Variants in DERL1 observed in about 807,000 individuals in gnomAD.
DERL1 encodes the protein derlin 1, also known as derlin-1.
A neutral mutation model predicts 41.6 loss-of-function variants in DERL1; 24 were observed. The ratio of observed to expected loss-of-function variants is 0.58; its 90% CI spans 0.42 to 0.81. DERL1 has a LOEUF of 0.81. Ranked by LOEUF, DERL1 falls within the 30% of genes least tolerant of loss-of-function variation. The probability of loss-of-function intolerance (pLI) is 0.00; values close to 1 mark genes in which losing one functional copy is unlikely to be tolerated. For synonymous variants in DERL1, 124 were observed against 112.5 expected, an observed-to-expected ratio of 1.10 and a Z score of -0.65; for missense variants, 260 against 314.3, an observed-to-expected ratio of 0.83 and a Z score of 1.31.
Position 123,021,457 on chromosome 8 carries a change from T to C in DERL1, c.496A>G (p.Ile166Val), listed in dbSNP as rs1357852801. The change falls in exon 6 of 8, where the codon ATC becomes GTC. Residue 166 changes from isoleucine (I) to valine (V), a missense_variant. Coordinates refer to ENST00000259512, the MANE Select transcript of DERL1 (RefSeq NM_024295.6). ...PWVILGFNYIIGGSVINELIG... is the reference protein window; with the variant it reads ...PWVILGFNYIVGGSVINELIG... ...TCTAATATCACTTACGAGCCTCCGA[T>C]GATATAGTTGAATCCAAGGATAACC... The C allele has an allele frequency of 2.5e-6, 4 of 1,613,764 alleles. No individual in the cohort carries two copies. The highest frequency in any genetic ancestry group is 1.7e-5 in the Admixed American group (1 of 60,014).
chr8:123,041,934 C>T (rs753975412), intron 1 of DERL1, 36 bp downstream of exon 1: 2 of 1,573,170 alleles, frequency 1.3e-6, no homozygotes, highest in Non-Finnish European at 1.7e-6. Flanking sequence ...CCTCCTGGGG[C>T]CTGTAGTCTC....
At chr8:123,033,535 G>GGAGTTCGA (rs1197840626) in intron 1 of DERL1, among the ~76,000 whole-genome samples, 3 of 152,166 alleles carry the variant, frequency 2.0e-5, no homozygotes, top group Non-Finnish European at 4.4e-5. Flanking sequence ...CCTGAGGTCG[G>GGAGTTCGA]GAGTTCGAGA....
chr8:123,041,989 G>T lies in DERL1; in HGVS notation c.134C>A (p.Ala45Asp). The T allele has an allele frequency of 6.2e-7, 1 of 1,612,604 alleles. No individual in the cohort carries two copies. Among genetic ancestry groups the T allele is most frequent in the Non-Finnish European group, 8.5e-7 (1 of 1,179,044 alleles). The change falls in exon 1 of 8, where the codon GCC becomes GAC. Residue 45 changes from alanine to aspartate, a missense_variant. Coordinates refer to ENST00000259512, the MANE Select transcript of DERL1 (RefSeq NM_024295.6). ...AAGTACCTGAAAGCGATAAAGGAAG[G>T]CTTCGGGCCAGAGGAAGAGGTAGGC... ...SPAYLFLWPE[A>D]FLYRFQIWRP...
Position 123,025,426 on chromosome 8 carries a change from C to T in DERL1, c.266-376G>A, listed in dbSNP as rs183316754. On this transcript the variant is annotated intron_variant, in intron 2 of 7. Coordinates refer to ENST00000259512, the MANE Select transcript of DERL1 (RefSeq NM_024295.6). ...CTGTCAGCCTTTCCTTCTTGGCTCT[C>T]GCCATGACCTGATGGCCGCATTCTG... The T allele has an allele frequency of 4.0e-3, 712 of 176,208 alleles. 1 individual carries two copies. The highest frequency in any genetic ancestry group is 5.8e-3 in the Non-Finnish European group (483 of 83,684). The allele number at this position is 176,208 out of a possible 1,614,324, so 10.9% of individuals were successfully genotyped here.
At chr8:123,027,222 A>T (rs746142685) in intron 2 of DERL1, among the ~76,000 whole-genome samples, 10 of 147,314 alleles carry the variant, frequency 6.8e-5, no homozygotes, top group Non-Finnish European at 1.3e-4. Context: ...TGAACTCGAG[A>T]TGCAGAGGTT....
At chr8:123,040,593 G>C (rs73711632) in intron 1 of DERL1, among the ~76,000 whole-genome samples, 2 of 152,198 alleles carry the variant, frequency 1.3e-5, no homozygotes, top group Admixed American at 6.5e-5. Context: ...CTGGACAGAG[G>C]AAAGACAGGA....
chr8:123,021,318 C>T, intron 6 of DERL1, 129 bp downstream of exon 6: 2 of 813,472 alleles, frequency 2.5e-6, no homozygotes, highest in South Asian at 1.7e-5. Flanking sequence ...GAAATTATTC[C>T]ATAAATATAG....
At chr8:123,015,825 C>T (rs532407113) in intron 7 of DERL1, 55 of 413,748 alleles carry the variant, frequency 1.3e-4, no homozygotes, top group African/African-American at 1.1e-3. Flanking sequence ...TAAATTCACA[C>T]TCTGAACGTT....
intron 7 of DERL1, chr8:123,017,298 T>C (rs1814602237): frequency 6.6e-6 from 1 of 152,170 alleles, no homozygotes; most frequent in African/African-American, 2.4e-5. Context: ...AGCTTTACCA[T>C]TAAATCAAAA....
intron 2 of DERL1, among the ~76,000 whole-genome samples, chr8:123,029,696 G>A (rs1414596513): frequency 1.3e-5 from 2 of 152,130 alleles, no homozygotes; most frequent in Non-Finnish European, 2.9e-5. Context: ...AGCATATAAG[G>A]TATTGTAGGA....
chr8:123,032,239 A>AT (rs1481844477), intron 1 of DERL1, among the ~76,000 whole-genome samples: 3 of 150,676 alleles, frequency 2.0e-5, no homozygotes, highest in Non-Finnish European at 2.9e-5. Context: ...GACTCAGGTG[A>AT]TTCTCCCACC....
intron 1 of DERL1, 103 bp downstream of exon 1, chr8:123,041,867 A>C: frequency 7.0e-7 from 1 of 1,425,404 alleles, no homozygotes; most frequent in African/African-American, 1.4e-5. Context: ...CCCACTACAA[A>C]TCCCAGCAGG....
chr8:123,031,296 G>T (rs1389737293), intron 1 of DERL1, among the ~76,000 whole-genome samples: 2 of 152,202 alleles, frequency 1.3e-5, no homozygotes, highest in African/African-American at 4.8e-5. Flanking sequence ...TGTAATCCCA[G>T]CACTTTAGGA....
chr8:123,019,059 G>A, intron 7 of DERL1, 136 bp downstream of exon 7: 1 of 696,050 alleles, frequency 1.4e-6, no homozygotes, highest in East Asian at 2.7e-5. Context: ...TGTGACTAGG[G>A]TAAGTCACTT....
chr8:123,022,576 C>T (rs1812585822), intron 5 of DERL1, 108 bp downstream of exon 5: 7 of 1,034,234 alleles, frequency 6.8e-6, no homozygotes, highest in Admixed American at 1.8e-5. Context: ...CTATGGTACA[C>T]TGCTCTGCAG....
At position 123,030,718 on chromosome 8, in the gene DERL1, T is replaced by C. The variant is rs1470104262; in HGVS notation, c.154-2A>G. The C allele has an allele frequency of 6.3e-7, 1 of 1,594,200 alleles. No homozygotes were observed. Among genetic ancestry groups the C allele is most frequent in the Admixed American group, 1.7e-5 (1 of 59,144 alleles). On this transcript the variant is annotated splice_acceptor_variant, in intron 1 of 7. Transcript: ENST00000259512. LOFTEE classifies it high-confidence loss of function. ...GGTGGCAGTGATTGGCCTCCAAATC[T>C]GTCCAGATCAAAATAAACACAGCTG...
chr8:123,038,062 G>C (rs2130496724), intron 1 of DERL1, among the ~76,000 whole-genome samples: 1 of 152,270 alleles, frequency 6.6e-6, no homozygotes, highest in South Asian at 2.1e-4. Flanking sequence ...ACACACACCT[G>C]TTTCAACCTA....
chr8:123,030,280 C>A, intron 2 of DERL1: 1 of 200,616 alleles, frequency 5.0e-6, no homozygotes, highest in Non-Finnish European at 9.9e-6. Flanking sequence ...AGGACTGCTG[C>A]AAAAGAAATG....
At chr8:123,040,602 G>A (rs1253797991) in intron 1 of DERL1, among the ~76,000 whole-genome samples, 1 of 152,304 alleles carries the variant, frequency 6.6e-6, no homozygotes, top group East Asian at 1.9e-4. Context: ...GGAAAGACAG[G>A]ACTTGATGTA....
Sources: allele counts gnomAD v4.1 joint callset (sites outside exome capture counted in the v4.1 genomes callset), GRCh38; gene constraint gnomAD v4.1.1; transcripts MANE v1.5; gene names NCBI Gene and HGNC (gene_info 2026-07-23, HGNC 2026-07-21).